FSTL4: variants seen among roughly 807,000 people sequenced by gnomAD.
The protein encoded by FSTL4 is follistatin like 4, also known as follistatin-related protein 4.
A neutral mutation model predicts 78.2 loss-of-function variants in FSTL4; 28 were observed. The ratio of observed to expected loss-of-function variants is 0.36; its 90% CI spans 0.27 to 0.49. The LOEUF (loss-of-function observed/expected upper bound fraction) is 0.49, where lower values mean the gene tolerates loss of function less well. Among genes scored for constraint, FSTL4 ranks in the 20% least tolerant of loss-of-function variants. The pLI is 0.98. For synonymous variants in FSTL4, 422 were observed against 440.5 expected, an observed-to-expected ratio of 0.96 and a Z score of 0.53; for missense variants, 922 against 1,084.9, an observed-to-expected ratio of 0.85 and a Z score of 2.11.
intron 3 of FSTL4, among the ~76,000 whole-genome samples, chr5:133,551,540 G>A (rs957006040): frequency 6.6e-6 from 1 of 152,170 alleles, no homozygotes; most frequent in Non-Finnish European, 1.5e-5. Flanking sequence ...TCGGAGCCCG[G>A]ATTAAAAGTT....
chr5:133,768,940 T>C, the FSTL4 span, among the ~76,000 whole-genome samples: 4 of 152,250 alleles, frequency 2.6e-5, no homozygotes, highest in East Asian at 7.7e-4. Flanking sequence ...TTCAGGTCTG[T>C]CCTGTGGATC....
At chr5:133,269,092 G>A (rs1204499979) in intron 6 of FSTL4, among the ~76,000 whole-genome samples, 1 of 149,124 alleles carries the variant, frequency 6.7e-6, no homozygotes, top group South Asian at 2.1e-4. Flanking sequence ...TGAGGTAGGA[G>A]AATGGCGTGA....
At chr5:133,285,291 T>A (rs1047709839) in intron 6 of FSTL4, among the ~76,000 whole-genome samples, 4 of 152,202 alleles carry the variant, frequency 2.6e-5, no homozygotes, top group African/African-American at 9.7e-5. Flanking sequence ...TTGATGGAGG[T>A]GGCACTGCTA....
At chr5:133,616,422 G>T (rs1761202020), upstream of FSTL4, among the ~76,000 whole-genome samples, 1 of 151,200 alleles carries the variant, frequency 6.6e-6, no homozygotes, top group Non-Finnish European at 1.5e-5. Context: ...TTCTTTTTGA[G>T]ACAGGGTCTT....
chr5:133,543,051 A>G (rs1759509447), intron 3 of FSTL4, among the ~76,000 whole-genome samples: 2 of 151,670 alleles, frequency 1.3e-5, no homozygotes, highest in African/African-American at 4.8e-5. Context: ...TAACTCATCA[A>G]CTTTGGTCCT....
At chr5:133,776,373 C>T in the FSTL4 span, among the ~76,000 whole-genome samples, 1 of 152,184 alleles carries the variant, frequency 6.6e-6, no homozygotes, top group African/African-American at 2.4e-5. Flanking sequence ...TACAGCTCTC[C>T]TTGAGTTCCA....
chr5:133,411,878 A>G (rs1446124167), intron 3 of FSTL4, among the ~76,000 whole-genome samples: 2 of 152,192 alleles, frequency 1.3e-5, no homozygotes, highest in Non-Finnish European at 2.9e-5. Flanking sequence ...ACAGATGATA[A>G]ATATGCCAAA....
intron 6 of FSTL4, among the ~76,000 whole-genome samples, chr5:133,295,030 G>T (rs1249738712): frequency 1.3e-5 from 2 of 152,144 alleles, no homozygotes; most frequent in Non-Finnish European, 2.9e-5. Flanking sequence ...CAGGACTAGG[G>T]CCCTCAAGTG....
chr5:133,601,571 G>A (rs1760869607), intron 2 of FSTL4, among the ~76,000 whole-genome samples: 1 of 152,198 alleles, frequency 6.6e-6, no homozygotes, highest in African/African-American at 2.4e-5. Flanking sequence ...GGGGCATGGG[G>A]GTGCATGGAG....
chr5:133,260,635 C>G (rs1180864430), intron 6 of FSTL4, among the ~76,000 whole-genome samples: 2 of 152,220 alleles, frequency 1.3e-5, no homozygotes, highest in Non-Finnish European at 1.5e-5. Flanking sequence ...ACCTCCTGGT[C>G]CAGGGGAAGC....
chr5:133,239,433 TG>T (rs1751766976), intron 7 of FSTL4, among the ~76,000 whole-genome samples: 1 of 152,194 alleles, frequency 6.6e-6, no homozygotes, highest in African/African-American at 2.4e-5. Flanking sequence ...CTGAGTCTGG[TG>T]GGGACTTGGA....
At chr5:133,539,733 C>T (rs1271093017) in intron 3 of FSTL4, among the ~76,000 whole-genome samples, 2 of 152,148 alleles carry the variant, frequency 1.3e-5, no homozygotes, top group African/African-American at 4.8e-5. Flanking sequence ...TCTCAGCCTG[C>T]TTCCTTCTTG....
intron 4 of FSTL4, among the ~76,000 whole-genome samples, chr5:133,378,184 T>A (rs1309375052): frequency 6.6e-6 from 1 of 152,050 alleles, no homozygotes; most frequent in Non-Finnish European, 1.5e-5. Context: ...GGTAATCACA[T>A]CTACACCAAA....
intron 3 of FSTL4, among the ~76,000 whole-genome samples, chr5:133,511,941 G>T (rs963480918): frequency 6.6e-5 from 10 of 152,150 alleles, no homozygotes; most frequent in South Asian, 2.1e-4. Context: ...CAGCTGCATG[G>T]TGGGAGCCAA....
At chr5:133,216,800 G>A (rs370877121) in intron 13 of FSTL4, among the ~76,000 whole-genome samples, 76 of 152,350 alleles carry the variant, frequency 5.0e-4, no homozygotes, top group African/African-American at 1.8e-3. Context: ...GAGGCCCTGT[G>A]TGAGTGGGCC....
intron 2 of FSTL4, among the ~76,000 whole-genome samples, chr5:133,577,633 G>C (rs1760312467): frequency 6.6e-6 from 1 of 152,206 alleles, no homozygotes; most frequent in South Asian, 2.1e-4. Flanking sequence ...GACCAGATGT[G>C]AAGGGGAGAG....
At chr5:133,811,260 C>A in the FSTL4 span, among the ~76,000 whole-genome samples, 1 of 152,198 alleles carries the variant, frequency 6.6e-6, no homozygotes, top group Non-Finnish European at 1.5e-5. Flanking sequence ...CTCTTCACCA[C>A]TTCCCCCGAG....
the FSTL4 span, among the ~76,000 whole-genome samples, chr5:133,830,301 C>T: frequency 6.6e-6 from 1 of 152,202 alleles, no homozygotes; most frequent in Non-Finnish European, 1.5e-5. Flanking sequence ...TCTGGATGTG[C>T]CTGTGTCAGA....
At chr5:133,428,131 A>G (rs536467635) in intron 3 of FSTL4, among the ~76,000 whole-genome samples, 70 of 152,350 alleles carry the variant, frequency 4.6e-4, no homozygotes, top group Non-Finnish European at 1.5e-5. Flanking sequence ...ATTTAAATTT[A>G]TCCCTGTAAT....
Sources: allele counts gnomAD v4.1 joint callset (sites outside exome capture counted in the v4.1 genomes callset), GRCh38; gene constraint gnomAD v4.1.1; transcripts MANE v1.5; gene names NCBI Gene and HGNC (gene_info 2026-07-23, HGNC 2026-07-21).